Variants in MYO1B observed in about 807,000 individuals in gnomAD.
The protein encoded by MYO1B is myosin IB, also known as unconventional myosin-Ib.
Under a neutral mutation model 159.7 loss-of-function variants are expected in MYO1B, and 72 were observed. The observed-to-expected ratio is 0.45, with a 90% CI of 0.37 to 0.55. The LOEUF is 0.55. MYO1B is among the 20% of genes least tolerant of loss of function. The pLI is 0.00. For synonymous variants in MYO1B, 468 were observed against 473.8 expected (o/e 0.99, Z 0.16); for missense variants, 1,062 against 1,364.8 (o/e 0.78, Z 3.50).
At chr2:191,380,150 G>A (rs1352969551) in intron 13 of MYO1B, among the ~76,000 whole-genome samples, 1 of 152,174 alleles carries the variant, frequency 6.6e-6, no homozygotes, top group East Asian at 1.9e-4. Flanking sequence ...TGCATCACTG[G>A]TGATTAGAAA....
At position 191,378,846 on chromosome 2, in the gene MYO1B, G is replaced by A. The variant is rs184385921; in HGVS notation, c.1186-2616G>A. Among the ~76,000 whole-genome samples, 63 of 152,268 alleles carry A rather than the reference G, an allele frequency of 4.1e-4. No homozygotes were observed. In the East Asian group the frequency reaches 9.1e-3, roughly 22 times the overall value. On this transcript the variant is annotated intron_variant, in intron 13 of 30. Transcript: ENST00000392318. ...CAACTGAAGAAAGATTTTGGGATAA[G>A]GGGTGATATTGTGGGGTTGTTAGAA... is the stretch of plus-strand genomic sequence containing the variant.
At chr2:191,269,464 G>A (rs911301832) in intron 1 of MYO1B, among the ~76,000 whole-genome samples, 10 of 139,298 alleles carry the variant, frequency 7.2e-5, no homozygotes, top group Non-Finnish European at 1.1e-4. Flanking sequence ...GAACATGGGT[G>A]TACCAACATC....
At chr2:191,374,953 A>G (rs372816727) in intron 13 of MYO1B, among the ~76,000 whole-genome samples, 1 of 152,248 alleles carries the variant, frequency 6.6e-6, no homozygotes, top group Non-Finnish European at 1.5e-5. Context: ...TGAACAATCT[A>G]CATTGATTTC....
intron 2 of MYO1B, among the ~76,000 whole-genome samples, chr2:191,278,901 A>G (rs957723661): frequency 2.6e-5 from 4 of 152,188 alleles, no homozygotes; most frequent in African/African-American, 9.7e-5. Flanking sequence ...GTTACCGATC[A>G]TTTTTCTTTT....
chr2:191,278,600 C>A (rs1687879137), intron 2 of MYO1B, among the ~76,000 whole-genome samples: 1 of 152,194 alleles, frequency 6.6e-6, no homozygotes, highest in Non-Finnish European at 1.5e-5. Context: ...AATTGGATAA[C>A]TGGATACTAA....
chr2:191,291,295 T>C (rs1688671880), intron 2 of MYO1B, among the ~76,000 whole-genome samples: 1 of 152,212 alleles, frequency 6.6e-6, no homozygotes, highest in Non-Finnish European at 1.5e-5. Context: ...ATGCTAGAGA[T>C]ACTTGAAATC....
Position 191,381,046 on chromosome 2 carries a change from A to G in MYO1B, c.1186-416A>G, listed in dbSNP as rs1055332002. On this transcript the variant is annotated intron_variant, in intron 13 of 30. Transcript: ENST00000392318. Reference sequence around the variant, plus strand: ...GTGAGGGATCTGTCCCTGGATGGGGACAATAAGGGGTCAGTTCAGGGGGAC... The same window carrying G: ...GTGAGGGATCTGTCCCTGGATGGGGGCAATAAGGGGTCAGTTCAGGGGGAC... 9 of 292,904 alleles carry G rather than the reference A, an allele frequency of 3.1e-5. No homozygotes were observed. In the South Asian group the frequency reaches 3.3e-4, roughly 11 times the overall value. 18.1% of individuals were successfully genotyped at this position (292,904 alleles called of 1,614,324 possible).
At chr2:191,282,325 A>C (rs1175364619) in intron 2 of MYO1B, among the ~76,000 whole-genome samples, 1 of 152,240 alleles carries the variant, frequency 6.6e-6, no homozygotes, top group Non-Finnish European at 1.5e-5. Flanking sequence ...GCTGTAGTCA[A>C]GGTTTCAGCA....
chr2:191,413,826 C>T (rs1697397000), intron 27 of MYO1B, among the ~76,000 whole-genome samples: 1 of 152,004 alleles, frequency 6.6e-6, no homozygotes, highest in African/African-American at 2.4e-5. Context: ...AAAGTCCTGC[C>T]CACCAAATGC....
At chr2:191,276,797 CTACCAGT>C in intron 1 of MYO1B, 83 bp from the exon 2 acceptor site, 1 of 1,408,942 alleles carries the variant, frequency 7.1e-7, no homozygotes, top group Non-Finnish European at 9.6e-7. Context: ...TCATTTGGAG[CTACCAGT>C]GTTGGATTTC....
intron 2 of MYO1B, among the ~76,000 whole-genome samples, chr2:191,292,858 C>T (rs1176723013): frequency 6.6e-6 from 1 of 151,606 alleles, no homozygotes; most frequent in African/African-American, 2.4e-5. Context: ...TATTTGCTCA[C>T]GATTCTCTGG....
At chr2:191,332,689 G>A (rs1691569189) in intron 4 of MYO1B, among the ~76,000 whole-genome samples, 1 of 152,160 alleles carries the variant, frequency 6.6e-6, no homozygotes, top group South Asian at 2.1e-4. Flanking sequence ...TAAGCAATTT[G>A]CCAAAACTTA....
At chr2:191,345,531 A>C (rs904594540) in intron 5 of MYO1B, among the ~76,000 whole-genome samples, 2 of 152,172 alleles carry the variant, frequency 1.3e-5, no homozygotes, top group Non-Finnish European at 2.9e-5. Context: ...TCTCATTTAA[A>C]AGGGAGTCCT....
chr2:191,380,925 A>G (rs1172777824), intron 13 of MYO1B: 1 of 188,236 alleles, frequency 5.3e-6, no homozygotes, highest in Non-Finnish European at 1.1e-5. Flanking sequence ...AGTGAGGCAG[A>G]TGTATATGAA....
chr2:191,397,431 A>C (rs1329819064), intron 21 of MYO1B, among the ~76,000 whole-genome samples: 2 of 151,376 alleles, frequency 1.3e-5, no homozygotes, highest in African/African-American at 4.9e-5. Context: ...CTGTTTAACA[A>C]AGCACATCTT....
intron 13 of MYO1B, among the ~76,000 whole-genome samples, chr2:191,371,295 GA>G (rs560673135): frequency 6.6e-6 from 1 of 151,816 alleles, no homozygotes; most frequent in African/African-American, 2.4e-5. Context: ...CAGAATCTCA[GA>G]AAAAAAACAT....
At chr2:191,416,806 TC>T (rs1559251028) in intron 30 of MYO1B, among the ~76,000 whole-genome samples, 2 of 151,486 alleles carry the variant, frequency 1.3e-5, no homozygotes, top group South Asian at 4.2e-4. Context: ...AGTGTGAGAC[TC>T]CGTCTCAGAA....
At chr2:191,400,666 C>G (rs994884952) in intron 22 of MYO1B, 83 bp from the exon 23 acceptor site, 2 of 1,493,392 alleles carry the variant, frequency 1.3e-6, no homozygotes, top group African/African-American at 1.4e-5. Flanking sequence ...ACTAGTGTCT[C>G]TCTTTTTCTT....
At chr2:191,305,813 A>G (rs1689617910) in intron 3 of MYO1B, among the ~76,000 whole-genome samples, 1 of 152,140 alleles carries the variant, frequency 6.6e-6, no homozygotes, top group Non-Finnish European at 1.5e-5. Flanking sequence ...GAAATGGGGT[A>G]CAGCCCTGCC....
Sources: gnomAD v4.1 joint callset for allele counts (sites outside exome capture counted in the v4.1 genomes callset) on GRCh38, gnomAD v4.1.1 for gene constraint, MANE v1.5 for transcripts, NCBI Gene and HGNC (gene_info 2026-07-23, HGNC 2026-07-21) for gene names.